Variants in GPSM2 observed in about 807,000 individuals in gnomAD.
The protein encoded by GPSM2 is G protein-signaling modulator 2.
In GPSM2, 58 loss-of-function variants were observed where a neutral mutation model predicts 78.4. That is an observed-to-expected ratio of 0.74 (90% CI 0.60 to 0.92). GPSM2 has a LOEUF of 0.92. Among genes scored for constraint, GPSM2 ranks in the 40% least tolerant of loss-of-function variants. The pLI is 0.00. For missense variants in GPSM2, 700 were observed against 815.5 expected, an observed-to-expected ratio of 0.86 and a Z score of 1.73; for synonymous variants, 224 against 280.2, an observed-to-expected ratio of 0.80 and a Z score of 2.00.
At chr1:108,880,114 C>A (rs892481592) in intron 1 of GPSM2, among the ~76,000 whole-genome samples, 1 of 152,164 alleles carries the variant, frequency 6.6e-6, no homozygotes, top group Non-Finnish European at 1.5e-5. Context: ...AATTATTATT[C>A]CCATATTATC....
At position 108,929,893 on chromosome 1, in the gene GPSM2, G is replaced by A; in HGVS notation, c.2008G>A (p.Ala670Thr). Residue 670 changes from alanine to threonine, a missense_variant, in exon 15 of 15, where the codon GCT becomes ACT. Transcript: ENST00000264126. ...GCTAAAGGACTTTTTGCAAAATAAT[G>A]CTTTGTTGGAGTTTAAAAATTCAGG... ...FGLKDFLQNNALLEFKNSGKK... is the reference protein window; with the variant it reads ...FGLKDFLQNNTLLEFKNSGKK... The A allele has an allele frequency of 6.2e-6, 10 of 1,613,626 alleles. No homozygotes were observed. The highest frequency in any genetic ancestry group is 2.2e-5 in the South Asian group (2 of 91,068).
rs751380025 is a variant in GPSM2, at chr1:108,901,881, G to T, written c.889G>T (p.Asp297Tyr). Residue 297 changes from aspartate (D) to tyrosine (Y), a missense_variant, in exon 8 of 15, where the codon GAC becomes TAC. Physicochemically the swap from Asp to Tyr is radical, Grantham distance 160. Transcript: ENST00000264126. ...TGGAAATACATATACTTTACTTCAA[G>T]ACTATGAAAAGGCCATTGATTATCA... ...SLGNTYTLLQ[D>Y]YEKAIDYHLK... The T allele has an allele frequency of 6.2e-7, 1 of 1,611,622 alleles. No individual in the cohort carries two copies. The highest frequency in any genetic ancestry group is 1.7e-5 in the Admixed American group (1 of 60,016).
Position 108,915,723 on chromosome 1 carries a change from CCTTT to C in GPSM2, c.1263+1320_1263+1323del, listed in dbSNP as rs533172340. On this transcript the variant is annotated intron_variant, in intron 11 of 14. Coordinates refer to ENST00000264126, the MANE Select transcript of GPSM2 (RefSeq NM_013296.5). Reference sequence around the variant, plus strand: ...TACAGGCGTGAGCCACTGCTCCTGGCCTTTCTTTATTTTACTTATTTTATTTAGC... The same window carrying C: ...TACAGGCGTGAGCCACTGCTCCTGGCCTTTATTTTACTTATTTTATTTAGC... Among the ~76,000 whole-genome samples the C allele has an allele frequency of 2.7e-4, 41 of 151,974 alleles. No homozygotes were observed. In the South Asian group the frequency reaches 4.0e-3, roughly 15 times the overall value.
rs369459902 is a variant in GPSM2 at position 108,881,925 on chromosome 1, A to G, written c.-248-3350A>G. 3.0e-4 allele frequency among the ~76,000 whole-genome samples: 46 copies of G among 152,378 alleles called. No homozygotes were observed. The East Asian group carries it at 4.2e-3, about 14-fold the overall frequency. ...TTATAATTGCAAAATTTAGAATTTC[A>G]TTAAGAACTCATGGATGAGAACAAT... On this transcript the variant is annotated intron_variant, in intron 1 of 14. Transcript: ENST00000264126.
At position 108,898,037 on chromosome 1, in the gene GPSM2, C is replaced by G; in HGVS notation, c.493C>G (p.Gln165Glu). 1 of 1,614,024 alleles carries G rather than the reference C, an allele frequency of 6.2e-7. No individual in the cohort carries two copies. The highest frequency in any genetic ancestry group is 8.5e-7 in the Non-Finnish European group (1 of 1,179,924). Residue 165 changes from glutamine to glutamate, a missense_variant, in exon 5 of 15, where the codon CAG becomes GAG. Gln to Glu is a conservative substitution (Grantham distance 29). Transcript: ENST00000264126. ...GAAAAGTTTTGGTTGCCCTGGTCCC[C>G]AGGATGTAGGAGAATTTCCAGAAGA... ...KGKSFGCPGP[Q>E]DVGEFPEEVR...
At position 108,914,403 on chromosome 1, in the gene GPSM2, GA is replaced by G; in HGVS notation, c.1262del (p.Lys421ArgfsTer30). 2 of 1,604,050 alleles carry G rather than the reference GA, an allele frequency of 1.2e-6. No individual in the cohort carries two copies. Among genetic ancestry groups the G allele is most frequent in the South Asian group, 1.1e-5 (1 of 90,580 alleles). On this transcript the variant is annotated frameshift_variant, in exon 11 of 15. Transcript: ENST00000264126. LOFTEE classifies it high-confidence loss of function. ...ENMELMKLTPEKVQNWNSEIL... is the reference protein window; with the variant it reads ...ENMELMKLTPXKVQNWNSEIL... ...TATGGAACTTATGAAGTTAACACCA[GA>G]AAAGGTGGGTGGCAGGTTTTATGTT... is the stretch of plus-strand genomic sequence containing the variant.
chr1:108,907,020 C>G (rs1463843831), intron 10 of GPSM2, among the ~76,000 whole-genome samples: 1 of 152,166 alleles, frequency 6.6e-6, no homozygotes, highest in Non-Finnish European at 1.5e-5. Context: ...TCCCATCACA[C>G]CTAGAACGGA....
chr1:108,897,496 A>G lies in GPSM2; in HGVS notation c.283A>G (p.Ile95Val). 1 of 1,612,258 alleles carries G rather than the reference A, an allele frequency of 6.2e-7. No individual in the cohort carries two copies. The highest frequency in any genetic ancestry group is 8.5e-7 in the Non-Finnish European group (1 of 1,179,126). ...HHHDLTLART[I>V]GDQLGEAKAS... is the part of the protein sequence containing the mutation. ...TTTGTTTTTTGTTTTTTTCAGGACT[A>G]TTGGAGACCAGCTGGGGGAAGCGAA... The change falls in exon 4 of 15, where the codon ATT becomes GTT. Residue 95 changes from isoleucine to valine, a missense_variant. Physicochemically the swap from Ile to Val is conservative, Grantham distance 29 (BLOSUM62 3). Coordinates refer to ENST00000264126, the MANE Select transcript of GPSM2 (RefSeq NM_013296.5).
chr1:108,896,086 G>A (rs1376991262), intron 2 of GPSM2, among the ~76,000 whole-genome samples: 1 of 152,188 alleles, frequency 6.6e-6, no homozygotes, highest in Non-Finnish European at 1.5e-5. Flanking sequence ...CAACTTTGGT[G>A]AAGGGCACCC....
At position 108,901,859 on chromosome 1, in the gene GPSM2, A is replaced by G. The variant is rs764795609; in HGVS notation, c.867A>G (p.Gly289=). 3.7e-6 allele frequency: 6 copies of G among 1,611,698 alleles called. No individual in the cohort carries two copies. In the South Asian group the frequency reaches 6.6e-5, roughly 18 times the overall value. The change falls in exon 8 of 15, where the codon GGA becomes GGG. Residue 289 remains glycine (G), a synonymous_variant. Transcript: ENST00000264126. Reference sequence around the variant, plus strand: ...AAGCACAGTCTTGTTACAGTCTTGGAAATACATATACTTTACTTCAAGACT... The same window carrying G: ...AAGCACAGTCTTGTTACAGTCTTGGGAATACATATACTTTACTTCAAGACT... ...AVEAQSCYSL[G]NTYTLLQDYE...
At chr1:108,908,701 G>A (rs1649458178) in intron 10 of GPSM2, among the ~76,000 whole-genome samples, 1 of 101,752 alleles carries the variant, frequency 9.8e-6, no homozygotes, top group South Asian at 2.6e-4. Flanking sequence ...ACACACAGCC[G>A]ACAGCCAGAC....
At chr1:108,885,655 G>A (rs1647479608) in intron 2 of GPSM2, 77 bp downstream of exon 2, 2 of 878,714 alleles carry the variant, frequency 2.3e-6, no homozygotes, top group East Asian at 4.8e-5. Flanking sequence ...ACCATTTCAA[G>A]TTTCAGTTGA....
chr1:108,906,029 T>G (rs1251234381), intron 10 of GPSM2, among the ~76,000 whole-genome samples: 1 of 152,208 alleles, frequency 6.6e-6, no homozygotes, highest in Non-Finnish European at 1.5e-5. Context: ...CCAAAATTTC[T>G]CTCATGAGTT....
intron 14 of GPSM2, chr1:108,924,476 G>A (rs1009502427): frequency 1.8e-5 from 9 of 487,916 alleles, no homozygotes; most frequent in Non-Finnish European, 3.4e-5. Context: ...GTATATGTGT[G>A]TTGTATTAGG....
chr1:108,927,771 A>G (rs1651236854), intron 14 of GPSM2, among the ~76,000 whole-genome samples: 1 of 152,138 alleles, frequency 6.6e-6, no homozygotes, highest in Non-Finnish European at 1.5e-5. Context: ...GGAGTTCAAG[A>G]CTAGACTGGG....
intron 14 of GPSM2, among the ~76,000 whole-genome samples, chr1:108,925,222 G>T (rs1465803704): frequency 6.6e-6 from 1 of 152,100 alleles, no homozygotes; most frequent in Non-Finnish European, 1.5e-5. Context: ...AAAAGCAAGA[G>T]TTCTGTTTTA....
chr1:108,908,206 C>T (rs1395491795), intron 10 of GPSM2, among the ~76,000 whole-genome samples: 1 of 151,628 alleles, frequency 6.6e-6, no homozygotes, highest in Admixed American at 6.6e-5. Context: ...CCCGTCTCCA[C>T]TAAAAATACA....
chr1:108,903,297 G>A (rs1648950692), intron 9 of GPSM2, 63 bp downstream of exon 9: 1 of 871,634 alleles, frequency 1.1e-6, no homozygotes, highest in South Asian at 1.4e-5. Flanking sequence ...GTTGGGGGAG[G>A]GAACCCTATT....
At chr1:108,914,888 G>A (rs2591001) in intron 11 of GPSM2, among the ~76,000 whole-genome samples, 54,379 of 151,948 alleles carry the variant, frequency 0.36, 11,347 homozygotes, top group African/African-American at 0.57. Context: ...TTGTTTTTCT[G>A]GCTGCATTCT....
Sources: gnomAD v4.1 joint callset for allele counts (sites outside exome capture counted in the v4.1 genomes callset) on GRCh38, gnomAD v4.1.1 for gene constraint, MANE v1.5 for transcripts, NCBI Gene and HGNC (gene_info 2026-07-23, HGNC 2026-07-21) for gene names.